MRPL24: variants seen among roughly 807,000 people sequenced by gnomAD.
The protein encoded by MRPL24 is large ribosomal subunit protein uL24m.
A neutral mutation model predicts 26.9 loss-of-function variants in MRPL24; 15 were observed. The ratio of observed to expected loss-of-function variants is 0.56; its 90% CI spans 0.37 to 0.86. The LOEUF (loss-of-function observed/expected upper bound fraction) is 0.86, where lower values mean the gene tolerates loss of function less well. MRPL24 is among the 40% of genes least tolerant of loss of function. MRPL24 has a pLI of 0.00. For missense variants in MRPL24, 241 were observed against 281.4 expected, an observed-to-expected ratio of 0.86 and a Z score of 1.03; for synonymous variants, 92 against 102.4, an observed-to-expected ratio of 0.90 and a Z score of 0.62.
At chr1:156,742,166 A>G (rs974497936), upstream of MRPL24, 2 of 152,712 alleles carry the variant, frequency 1.3e-5, no homozygotes, top group African/African-American at 4.8e-5. Flanking sequence ...TCTCAGAGCT[A>G]AACTTCCAAA....
upstream of MRPL24, chr1:156,741,703 G>A (rs911690906): frequency 1.3e-5 from 2 of 152,112 alleles, no homozygotes; most frequent in Non-Finnish European, 2.9e-5. Context: ...GCTAAGGGTG[G>A]CAGGTACCCC....
chr1:156,737,449 C>T lies in MRPL24; in HGVS notation c.600G>A (p.Glu200=). ...TCCGGGTCTCCTTGATCCCCATGGC[C>T]TCCATCACCTCCTCCTGCAGTGTCT... The part of the protein sequence containing the change: ...CLKTLQEEVM[E]AMGIKETRKY... The change falls in exon 6 of 6, where the codon GAG becomes GAA. Residue 200 remains glutamate (E), a synonymous_variant. Coordinates refer to ENST00000361531, the MANE Select transcript of MRPL24 (RefSeq NM_145729.3). 4 of 1,611,950 alleles carry T rather than the reference C, an allele frequency of 2.5e-6. No individual in the cohort carries two copies. The Middle Eastern group carries it at 5.0e-4, about 200-fold the overall frequency.
At position 156,738,732 on chromosome 1, in the gene MRPL24, C is replaced by A; in HGVS notation, c.-28G>T. 6.4e-7 allele frequency: 1 copy of A among 1,555,122 alleles called. No homozygotes were observed. The highest frequency in any genetic ancestry group is 8.7e-7 in the Non-Finnish European group (1 of 1,155,822). ...CTGGAGGTTGTAAGAAATCCCTTTG[C>A]CAGCAAAACGCTCGAAACCTTCCTT... On this transcript the variant is annotated 5_prime_UTR_variant, in exon 2 of 6. Transcript: ENST00000361531.
intron 1 of MRPL24, among the ~76,000 whole-genome samples, chr1:156,739,439 C>T (rs543428811): frequency 1.6e-4 from 25 of 152,240 alleles, no homozygotes; most frequent in African/African-American, 5.5e-4. Context: ...CAACTTACCA[C>T]GTGCCATGCT....
At chr1:156,738,830 C>A in intron 1 of MRPL24, 66 bp from the exon 2 acceptor site, 1 of 796,270 alleles carries the variant, frequency 1.3e-6, no homozygotes, top group Non-Finnish European at 2.0e-6. Context: ...AGCACTTACT[C>A]TATTGCTCAA....
Position 156,738,376 on chromosome 1 carries a change from C to T in MRPL24, c.246G>A (p.Gln82=), listed in dbSNP as rs1649959177. The part of the protein sequence containing the change: ...KQGKVVQVIR[Q]RNWVVVGGLN... ...GCCCTCCCACGACCACCCAGTTTCGCTGCCGGATAACTTGAACCACTTTGC... is the reference window on the plus strand; with the variant it reads ...GCCCTCCCACGACCACCCAGTTTCGTTGCCGGATAACTTGAACCACTTTGC... Residue 82 remains glutamine, a synonymous_variant, in exon 3 of 6, where the codon CAG becomes CAA. Coordinates refer to ENST00000361531, the MANE Select transcript of MRPL24 (RefSeq NM_145729.3). 1 of 1,614,078 alleles carries T rather than the reference C, an allele frequency of 6.2e-7. No homozygotes were observed. The highest frequency in any genetic ancestry group is 1.3e-5 in the African/African-American group (1 of 74,906).
chr1:156,739,973 T>G lies in MRPL24; in HGVS notation c.-61+1039A>C, dbSNP rs555494172. On this transcript the variant is annotated intron_variant, in intron 1 of 5. Transcript: ENST00000361531. ...TGAGCCACCACGCCCATCCAGCAAT[T>G]TAACTTTTGAATTTCAGTTTCATCA... Among the ~76,000 whole-genome samples, 19 of 152,316 alleles carry G rather than the reference T, an allele frequency of 1.2e-4. No individual in the cohort carries two copies. The South Asian group carries it at 3.7e-3, about 30-fold the overall frequency.
At position 156,737,391 on chromosome 1, in the gene MRPL24, C is replaced by T. The variant is rs746426494; in HGVS notation, c.*7G>A. 3 of 1,562,684 alleles carry T rather than the reference C, an allele frequency of 1.9e-6. No individual in the cohort carries two copies. The highest frequency in any genetic ancestry group is 1.7e-6 in the Non-Finnish European group (2 of 1,160,620). On this transcript the variant is annotated 3_prime_UTR_variant, in exon 6 of 6. Transcript: ENST00000361531. Reference sequence around the variant, plus strand: ...AGAAGTTGGGGAGGAGCTGCTCTGCCCCAGGCTCAATACCAATAGACCTTC... The same window carrying T: ...AGAAGTTGGGGAGGAGCTGCTCTGCTCCAGGCTCAATACCAATAGACCTTC...
rs757784077 is a variant in MRPL24, at chr1:156,738,683, C to T, written c.22G>A (p.Ala8Thr). The T allele has an allele frequency of 2.8e-5, 45 of 1,589,130 alleles. No homozygotes were observed. Among genetic ancestry groups the T allele is most frequent in the Non-Finnish European group, 3.7e-5 (43 of 1,173,064 alleles). MRLSALL[A>T]LASKVTLPPH... is the part of the protein sequence containing the mutation. ...GGCAGAGTGACCTTGGATGCCAAGGCCAGCAGGGCAGAAAGACGCATGCCT... is the reference window on the plus strand; with the variant it reads ...GGCAGAGTGACCTTGGATGCCAAGGTCAGCAGGGCAGAAAGACGCATGCCT... Residue 8 changes from alanine to threonine, a missense_variant, in exon 2 of 6, where the codon GCC becomes ACC. Transcript: ENST00000361531.
Position 156,737,392 on chromosome 1 carries a change from C to G in MRPL24, c.*6G>C. ...GAAGTTGGGGAGGAGCTGCTCTGCC[C>G]CAGGCTCAATACCAATAGACCTTCT... On this transcript the variant is annotated 3_prime_UTR_variant, in exon 6 of 6. Coordinates refer to ENST00000361531, the MANE Select transcript of MRPL24 (RefSeq NM_145729.3). The G allele has an allele frequency of 6.4e-7, 1 of 1,563,186 alleles. No homozygotes were observed. The highest frequency in any genetic ancestry group is 8.6e-7 in the Non-Finnish European group (1 of 1,160,836).
Position 156,737,695 on chromosome 1 carries a change from A to G in MRPL24, c.465T>C (p.Pro155=), listed in dbSNP as rs1231959715. The G allele has an allele frequency of 6.2e-7, 1 of 1,614,152 alleles. No individual in the cohort carries two copies. The highest frequency in any genetic ancestry group is 8.5e-7 in the Non-Finnish European group (1 of 1,180,016). The change falls in exon 5 of 6, where the codon CCT becomes CCC. Residue 155 remains proline, a synonymous_variant. Transcript: ENST00000361531. ...CATCAGCTCTGGGAAATTCGGGTTTAGGGATAATTCTCCCTGATCGTGTGG... is the reference window on the plus strand; with the variant it reads ...CATCAGCTCTGGGAAATTCGGGTTTGGGGATAATTCTCCCTGATCGTGTGG... ...RVSTRSGRII[P]KPEFPRADGI...
In MRPL24 at chr1:156,738,517, C is replaced by T; in HGVS notation, c.183+5G>A. 1 of 1,614,140 alleles carries T rather than the reference C, an allele frequency of 6.2e-7. No individual in the cohort carries two copies. On this transcript the variant is annotated splice_donor_5th_base_variant and intron_variant, in intron 2 of 5. Transcript: ENST00000361531. Reference sequence around the variant, plus strand: ...ATCACTCTACCCCCTGTATGAGGCTCTCACCGTGTCCCCACAGAACAGATA... The same window carrying T: ...ATCACTCTACCCCCTGTATGAGGCTTTCACCGTGTCCCCACAGAACAGATA...
rs1649943277 is a variant in MRPL24 at position 156,738,081 on chromosome 1, A to AC, written c.332dup (p.Ser111ArgfsTer2). On this transcript the variant is annotated frameshift_variant, in exon 4 of 6. Coordinates refer to ENST00000361531, the MANE Select transcript of MRPL24 (RefSeq NM_145729.3). LOFTEE classifies it high-confidence loss of function. ...CCTGGCGGTGGAGCAAGGGGGCTTC[A>AC]CTAGGGATCATGGTTCCCCGGTAAT... 6.2e-7 allele frequency: 1 copy of AC among 1,614,074 alleles called. No homozygotes were observed. Among genetic ancestry groups the AC allele is most frequent in the Non-Finnish European group, 8.5e-7 (1 of 1,180,030 alleles).
Position 156,737,768 on chromosome 1 carries a change from G to A in MRPL24, c.392C>T (p.Thr131Ile). 6.2e-7 allele frequency: 1 copy of A among 1,614,198 alleles called. No individual in the cohort carries two copies. The highest frequency in any genetic ancestry group is 8.5e-7 in the Non-Finnish European group (1 of 1,180,032). Residue 131 changes from threonine to isoleucine, a missense_variant, in exon 5 of 6, where the codon ACT becomes ATT. Transcript: ENST00000361531. ...KLVDPMDRKPTEIEWRFTEAG... is the reference protein window; with the variant it reads ...KLVDPMDRKPIEIEWRFTEAG... ...TTCAGTAAATCTCCACTCGATCTCA[G>A]TGGGTTTCCTGGTGGATAGAAGAGG...
At position 156,738,752 on chromosome 1, in the gene MRPL24, T is replaced by C. The variant is rs1213650858; in HGVS notation, c.-48A>G. ...CTTTGCCAGCAAAACGCTCGAAACC[T>C]TCCTTGTCAGCTCTGGGCAGATGGA... is the stretch of plus-strand genomic sequence containing the variant. On this transcript the variant is annotated 5_prime_UTR_variant, in exon 2 of 6. Transcript: ENST00000361531. The C allele has an allele frequency of 1.3e-6, 2 of 1,527,828 alleles. No homozygotes were observed. 94.6% of individuals were successfully genotyped at this position (1,527,828 alleles called of 1,614,324 possible).
chr1:156,742,165 T>TA (rs1425426507), upstream of MRPL24: 1 of 152,694 alleles, frequency 6.5e-6, no homozygotes, highest in African/African-American at 2.4e-5. Flanking sequence ...TTCTCAGAGC[T>TA]AAACTTCCAA....
intron 1 of MRPL24, 111 bp from the exon 2 acceptor site, chr1:156,738,875 A>G: frequency 1.7e-6 from 1 of 584,442 alleles, no homozygotes; most frequent in Non-Finnish European, 3.0e-6. Flanking sequence ...ACAAGAGGTT[A>G]TCATCTTTAT....
chr1:156,738,203 T>C, intron 3 of MRPL24, 69 bp from the exon 4 acceptor site: 1 of 1,571,206 alleles, frequency 6.4e-7, no homozygotes. Context: ...ACTCGGCGCA[T>C]TCAGCCCAAG....
chr1:156,740,777 G>A (rs149215993), intron 1 of MRPL24, among the ~76,000 whole-genome samples: 1 of 152,176 alleles, frequency 6.6e-6, no homozygotes, highest in African/African-American at 2.4e-5. Context: ...TGCTGCTGGT[G>A]AGCGTCCCGC....
Sources: gnomAD v4.1 joint callset for allele counts (sites outside exome capture counted in the v4.1 genomes callset) on GRCh38, gnomAD v4.1.1 for gene constraint, MANE v1.5 for transcripts, NCBI Gene and HGNC (gene_info 2026-07-23, HGNC 2026-07-21) for gene names.